The following NDUFA8 variants were observed in gnomAD, a reference collection of about 807,000 sequenced individuals.
NDUFA8 encodes the protein NADH dehydrogenase [ubiquinone] 1 alpha subcomplex subunit 8.
Under a neutral mutation model 20.9 loss-of-function variants are expected in NDUFA8, and 16 were observed. The observed-to-expected ratio is 0.77, with a 90% CI of 0.52 to 1.16. The LOEUF (loss-of-function observed/expected upper bound fraction) is 1.16, where lower values mean the gene tolerates loss of function less well. Ranked by LOEUF, NDUFA8 falls within the 50% of genes most tolerant of loss-of-function variation. The pLI is 0.00. For missense variants in NDUFA8, 202 were observed against 216.4 expected, an observed-to-expected ratio of 0.93 and a Z score of 0.42; for synonymous variants, 70 against 76.1, an observed-to-expected ratio of 0.92 and a Z score of 0.41.
intron 1 of NDUFA8, among the ~76,000 whole-genome samples, chr9:122,159,252 T>C (rs1829135619): frequency 6.6e-6 from 1 of 152,166 alleles, no homozygotes; most frequent in Non-Finnish European, 1.5e-5. Flanking sequence ...ACCGTCTCCC[T>C]CGACTGTGAG....
chr9:122,155,404 T>C (rs1449661962), intron 1 of NDUFA8, among the ~76,000 whole-genome samples: 3 of 152,232 alleles, frequency 2.0e-5, no homozygotes, highest in Admixed American at 6.5e-5. Flanking sequence ...ATGCACTTTA[T>C]GCAGCTAGGT....
intron 3 of NDUFA8, among the ~76,000 whole-genome samples, chr9:122,146,017 C>T (rs1202301492): frequency 6.6e-6 from 1 of 151,946 alleles, no homozygotes; most frequent in African/African-American, 2.4e-5. Context: ...GCCATGGTGG[C>T]GGGTGCCTGT....
intron 3 of NDUFA8, among the ~76,000 whole-genome samples, chr9:122,146,020 G>A (rs113249637): frequency 0.076 from 11,535 of 152,036 alleles, 584 homozygotes; most frequent in African/African-American, 0.14. Flanking sequence ...ATGGTGGCGG[G>A]TGCCTGTAAT....
intron 1 of NDUFA8, among the ~76,000 whole-genome samples, chr9:122,156,403 A>G (rs1411445): frequency 0.43 from 65,778 of 152,090 alleles, 16,938 homozygotes; most frequent in Non-Finnish European, 0.58. Context: ...TATTTATACC[A>G]TGCCTTGAGT....
intron 1 of NDUFA8, among the ~76,000 whole-genome samples, chr9:122,153,635 C>T (rs575906576): frequency 1.3e-5 from 2 of 152,234 alleles, no homozygotes; most frequent in South Asian, 4.2e-4. Flanking sequence ...CCTGTGGTCC[C>T]TTTTCTGTAC....
chr9:122,134,076 T>C, the NDUFA8 span, among the ~76,000 whole-genome samples: 2 of 152,214 alleles, frequency 1.3e-5, no homozygotes, highest in Non-Finnish European at 2.9e-5. Flanking sequence ...CTAGCAGAGC[T>C]GGCACATCGA....
intron 2 of NDUFA8, among the ~76,000 whole-genome samples, chr9:122,151,796 CTT>C (rs1279230530): frequency 9.3e-6 from 1 of 107,514 alleles, no homozygotes; most frequent in African/African-American, 4.4e-5. Context: ...TTTTTTTTTA[CTT>C]AAGTATCATG....
chr9:122,153,121 T>C (rs926320507), intron 1 of NDUFA8, among the ~76,000 whole-genome samples: 6 of 151,882 alleles, frequency 4.0e-5, no homozygotes, highest in Non-Finnish European at 7.4e-5. Flanking sequence ...TAGAGATGTA[T>C]CTGGGCGTGG....
At chr9:122,144,737 G>A (rs1828876319) in intron 3 of NDUFA8, among the ~76,000 whole-genome samples, 1 of 152,202 alleles carries the variant, frequency 6.6e-6, no homozygotes, top group Non-Finnish European at 1.5e-5. Flanking sequence ...AGCAAGGACT[G>A]TGCACATCTA....
the NDUFA8 span, among the ~76,000 whole-genome samples, chr9:122,135,172 C>A: frequency 5.3e-5 from 8 of 152,222 alleles, no homozygotes; most frequent in African/African-American, 1.9e-4. Flanking sequence ...TGCCTGTCCA[C>A]CTTGCCTCAA....
the NDUFA8 span, among the ~76,000 whole-genome samples, chr9:122,132,633 G>A: frequency 6.6e-6 from 1 of 152,120 alleles, no homozygotes. Context: ...GGGGACTGGG[G>A]CAAGGGGTCA....
intron 1 of NDUFA8, among the ~76,000 whole-genome samples, chr9:122,155,174 G>C (rs1829059826): frequency 6.6e-6 from 1 of 152,186 alleles, no homozygotes; most frequent in Admixed American, 6.5e-5. Flanking sequence ...TGCCTCCCAG[G>C]TTCAAGTGAT....
downstream of NDUFA8, among the ~76,000 whole-genome samples, chr9:122,139,295 C>T (rs905927561): frequency 3.9e-5 from 6 of 152,194 alleles, no homozygotes; most frequent in African/African-American, 1.4e-4. Flanking sequence ...GGAGGAAGCT[C>T]AAACTGCGCT....
chr9:122,137,131 A>C, the NDUFA8 span, among the ~76,000 whole-genome samples: 14 of 152,254 alleles, frequency 9.2e-5, no homozygotes, highest in Non-Finnish European at 1.6e-4. Flanking sequence ...ATGATCTCCG[A>C]AAGGTTTCTC....
chr9:122,149,416 T>A (rs190440953), intron 2 of NDUFA8, among the ~76,000 whole-genome samples: 1 of 152,348 alleles, frequency 6.6e-6, no homozygotes, highest in East Asian at 1.9e-4. Context: ...GGGAGTTTTA[T>A]ATTCCTCCAA....
chr9:122,138,074 A>T, the NDUFA8 span, among the ~76,000 whole-genome samples: 1 of 152,208 alleles, frequency 6.6e-6, no homozygotes, highest in Non-Finnish European at 1.5e-5. Context: ...AAATAAATAA[A>T]TAAAGCCTTT....
Position 122,144,268 on chromosome 9 carries a change from G to A in NDUFA8, c.492C>T (p.Gly164=), listed in dbSNP as rs987043369. ...ACTTGGTCCAGAAATAAAAGCGGCT[G>A]CCATGTGTGGCAGGCTGCAGATCTC... ...IEGDLQPATH[G]SRFYFWTK The change falls in exon 4 of 4, where the codon GGC becomes GGT. Residue 164 remains glycine, a synonymous_variant. Transcript: ENST00000373768. 6 of 1,614,016 alleles carry A rather than the reference G, an allele frequency of 3.7e-6. No individual in the cohort carries two copies. The African/African-American group carries it at 6.7e-5, about 18-fold the overall frequency.
At chr9:122,155,058 C>T (rs1489767533) in intron 1 of NDUFA8, among the ~76,000 whole-genome samples, 1 of 152,068 alleles carries the variant, frequency 6.6e-6, no homozygotes, top group Non-Finnish European at 1.5e-5. Context: ...TGTGTGAGAA[C>T]AGTCTGTAAT....
At chr9:122,135,229 G>C in the NDUFA8 span, among the ~76,000 whole-genome samples, 1 of 152,186 alleles carries the variant, frequency 6.6e-6, no homozygotes, top group Admixed American at 6.5e-5. Context: ...CCCATTGGCC[G>C]CACACCTAGT....
Sources: allele counts gnomAD v4.1 joint callset (sites outside exome capture counted in the v4.1 genomes callset), GRCh38; gene constraint gnomAD v4.1.1; transcripts MANE v1.5; gene names NCBI Gene and HGNC (gene_info 2026-07-23, HGNC 2026-07-21).